TRIM15: variants seen among roughly 807,000 people sequenced by gnomAD.
TRIM15 encodes tripartite motif containing 15.
In TRIM15, 35 loss-of-function variants were observed where a neutral mutation model predicts 35.8. The ratio of observed to expected loss-of-function variants is 0.98; its 90% CI spans 0.75 to 1.30. TRIM15 has a LOEUF of 1.30. Among genes scored for constraint, TRIM15 ranks in the 50% most tolerant of loss-of-function variants. The pLI, the probability that TRIM15 is intolerant of heterozygous loss-of-function variation, is 0.00. For synonymous variants in TRIM15, 252 were observed against 249.8 expected (o/e 1.01, Z -0.08); for missense variants, 590 against 593.5 (o/e 0.99, Z 0.06).
intron 2 of TRIM15, among the ~76,000 whole-genome samples, chr6:30,168,049 A>G (rs1198145661): frequency 6.6e-6 from 1 of 152,212 alleles, no homozygotes; most frequent in Non-Finnish European, 1.5e-5. Context: ...AATATTTTTG[A>G]AAAGTTCAAC....
chr6:30,170,642 C>T (rs774403442), intron 5 of TRIM15, 26 bp downstream of exon 5: 6 of 1,572,864 alleles, frequency 3.8e-6, no homozygotes, highest in Non-Finnish European at 5.2e-6. Context: ...CCACAGTTTT[C>T]CCCAGTCCCA....
Position 30,167,254 on chromosome 6 carries a change from A to T in TRIM15, c.460A>T (p.Lys154Ter). The change falls in exon 2 of 7, where the codon AAG becomes TAG. Residue 154 changes from lysine to a stop codon, truncating the protein, a stop_gained. Coordinates refer to ENST00000376694, the MANE Select transcript of TRIM15 (RefSeq NM_033229.3). LOFTEE classifies it high-confidence loss of function. Reference protein sequence around the residue: ...IEDVKCQEDQKLQVLLTQIES... With the variant: ...IEDVKCQEDQ ...GGATGTAAAGTGTCAAGAAGACCAGAAGCTTCAAGTGCTGCTGGTACAGGC... is the reference window on the plus strand; with the variant it reads ...GGATGTAAAGTGTCAAGAAGACCAGTAGCTTCAAGTGCTGCTGGTACAGGC... The T allele has an allele frequency of 6.2e-7, 1 of 1,612,828 alleles. No homozygotes were observed. The highest frequency in any genetic ancestry group is 8.5e-7 in the Non-Finnish European group (1 of 1,179,780).
intron 1 of TRIM15, among the ~76,000 whole-genome samples, chr6:30,166,788 G>A (rs1169970770): frequency 6.6e-6 from 1 of 152,274 alleles, no homozygotes; most frequent in African/African-American, 2.4e-5. Context: ...CTTGAGCAGT[G>A]GTTTGTAGTT....
intron 1 of TRIM15, among the ~76,000 whole-genome samples, chr6:30,166,183 C>T (rs775248555): frequency 6.6e-5 from 10 of 152,174 alleles, no homozygotes; most frequent in Non-Finnish European, 1.5e-4. Flanking sequence ...TTGCCCATGC[C>T]TATGTCCTGA....
At chr6:30,166,412 G>T (rs1175102695) in intron 1 of TRIM15, among the ~76,000 whole-genome samples, 1 of 152,166 alleles carries the variant, frequency 6.6e-6, no homozygotes, top group Non-Finnish European at 1.5e-5. Context: ...TCAGATGGTT[G>T]TAGATGTGTG....
In TRIM15 at chr6:30,168,434, A is replaced by G; in HGVS notation, c.612A>G (p.Glu204=). The change falls in exon 3 of 7, where the codon GAA becomes GAG. Residue 204 remains glutamate (E), a synonymous_variant. Coordinates refer to ENST00000376694, the MANE Select transcript of TRIM15 (RefSeq NM_033229.3). ...LEQQIWKERD[E]YITKVSEEVT... ...AGCAGATTTGGAAGGAGAGGGATGA[A>G]TATATCACAAAGGTCTCTGAGGAAG... is the stretch of plus-strand genomic sequence containing the variant. 6.2e-7 allele frequency: 1 copy of G among 1,612,778 alleles called. No individual in the cohort carries two copies. The highest frequency in any genetic ancestry group is 8.5e-7 in the Non-Finnish European group (1 of 1,179,902).
intron 2 of TRIM15, among the ~76,000 whole-genome samples, chr6:30,167,478 T>C (rs1179314999): frequency 6.6e-6 from 1 of 152,230 alleles, no homozygotes; most frequent in Non-Finnish European, 1.5e-5. Context: ...AGATCCATCT[T>C]GTATATCACA....
At chr6:30,164,172 A>G (rs1773409267) in intron 1 of TRIM15, 107 bp downstream of exon 1, 2 of 1,463,586 alleles carry the variant, frequency 1.4e-6, no homozygotes, top group Non-Finnish European at 1.8e-6. Context: ...ACATCAGGGA[A>G]CCCTAAGGTT....
chr6:30,163,973 G>A lies in TRIM15; in HGVS notation c.289G>A (p.Asp97Asn). 2 of 1,613,138 alleles carry A rather than the reference G, an allele frequency of 1.2e-6. No homozygotes were observed. The highest frequency in any genetic ancestry group is 1.7e-6 in the Non-Finnish European group (2 of 1,180,036). ...GEKIYFFCEN[D>N]AEFLCVFCRE... is the part of the protein sequence containing the mutation. ...GAAGATCTACTTCTTCTGCGAGAAC[G>A]ATGCCGAGTTCCTCTGTGTGTTCTG... The change falls in exon 1 of 7, where the codon GAT becomes AAT. Residue 97 changes from aspartate to asparagine, a missense_variant. Asp to Asn is a conservative substitution (Grantham distance 23). Coordinates refer to ENST00000376694, the MANE Select transcript of TRIM15 (RefSeq NM_033229.3).
At chr6:30,165,670 G>T (rs1773546312) in intron 1 of TRIM15, among the ~76,000 whole-genome samples, 1 of 152,086 alleles carries the variant, frequency 6.6e-6, no homozygotes, top group African/African-American at 2.4e-5. Flanking sequence ...TTCTTGAGGA[G>T]TTGCCACACT....
intron 1 of TRIM15, among the ~76,000 whole-genome samples, chr6:30,166,252 C>A (rs1453715881): frequency 6.6e-6 from 1 of 152,126 alleles, no homozygotes; most frequent in Non-Finnish European, 1.5e-5. Context: ...ACGTTTAAGT[C>A]TTTAATCCAT....
At chr6:30,167,643 A>T (rs1008221193) in intron 2 of TRIM15, among the ~76,000 whole-genome samples, 5 of 152,176 alleles carry the variant, frequency 3.3e-5, no homozygotes, top group African/African-American at 1.2e-4. Context: ...TCAGATGGGA[A>T]GCTTGGGGTC....
rs906646318 is a variant in TRIM15 at position 30,172,219 on chromosome 6, C to A, written c.1268C>A (p.Ala423Glu). Residue 423 changes from alanine (A) to glutamate (E), a missense_variant, in exon 7 of 7, where the codon GCG becomes GAG. By Grantham distance (107) the Ala-to-Glu change is moderately radical. Transcript: ENST00000376694. ...RGVRVALDYE[A>E]GQVTLHNAQT... ...GTGAGAGTCGCCCTGGACTACGAGGCGGGGCAGGTGACCCTCCACAACGCC... is the reference window on the plus strand; with the variant it reads ...GTGAGAGTCGCCCTGGACTACGAGGAGGGGCAGGTGACCCTCCACAACGCC... 1 of 1,611,740 alleles carries A rather than the reference C, an allele frequency of 6.2e-7. No individual in the cohort carries two copies. Among genetic ancestry groups the A allele is most frequent in the Admixed American group, 1.7e-5 (1 of 59,902 alleles).
chr6:30,168,074 A>C (rs912592751), intron 2 of TRIM15, among the ~76,000 whole-genome samples: 3 of 152,242 alleles, frequency 2.0e-5, no homozygotes, highest in Admixed American at 2.0e-4. Flanking sequence ...TTCTGAGAGC[A>C]TAATGTAGCA....
chr6:30,171,701 C>A (rs1000698966), intron 6 of TRIM15, 131 bp from the exon 7 acceptor site: 6 of 1,195,146 alleles, frequency 5.0e-6, no homozygotes, highest in African/African-American at 4.7e-5. Flanking sequence ...GGTAGAAGGG[C>A]GGTTCAGAGA....
rs773823321 is a variant in TRIM15, at chr6:30,172,211, C to G, written c.1260C>G (p.Asp420Glu). ...EIPRGVRVAL[D>E]YEAGQVTLHN... ...CGCGCGGCGTGAGAGTCGCCCTGGACTACGAGGCGGGGCAGGTGACCCTCC... is the reference window on the plus strand; with the variant it reads ...CGCGCGGCGTGAGAGTCGCCCTGGAGTACGAGGCGGGGCAGGTGACCCTCC... Residue 420 changes from aspartate to glutamate, a missense_variant, in exon 7 of 7, where the codon GAC becomes GAG. By Grantham distance (45) the Asp-to-Glu change is conservative. Transcript: ENST00000376694. The G allele has an allele frequency of 1.9e-6, 3 of 1,611,748 alleles. No homozygotes were observed. The highest frequency in any genetic ancestry group is 1.7e-6 in the Non-Finnish European group (2 of 1,179,546).
intron 3 of TRIM15, 168 bp downstream of exon 3, chr6:30,168,698 G>A (rs1773799442): frequency 1.5e-6 from 1 of 679,476 alleles, no homozygotes; most frequent in African/African-American, 1.8e-5. Flanking sequence ...CTGTGGTCAT[G>A]TTAAGGGGTT....
intron 6 of TRIM15, among the ~76,000 whole-genome samples, 197 bp from the exon 7 acceptor site, chr6:30,171,635 G>C (rs1774022284): frequency 6.6e-6 from 1 of 152,188 alleles, no homozygotes; most frequent in South Asian, 2.1e-4. Flanking sequence ...GGATGCTGCT[G>C]GTCCCTCCCG....
chr6:30,167,342 C>T (rs1266615401), intron 2 of TRIM15, 71 bp downstream of exon 2: 1 of 1,281,478 alleles, frequency 7.8e-7, no homozygotes, highest in East Asian at 2.3e-5. Context: ...AACCCGTTGG[C>T]TGGTATCTGT....
Sources: allele counts gnomAD v4.1 joint callset (sites outside exome capture counted in the v4.1 genomes callset), GRCh38; gene constraint gnomAD v4.1.1; transcripts MANE v1.5; gene names NCBI Gene and HGNC (gene_info 2026-07-23, HGNC 2026-07-21).